KMT5A: variants seen among roughly 807,000 people sequenced by gnomAD.
KMT5A encodes the protein lysine methyltransferase 5A.
KMT5A carries 6 observed loss-of-function variants against 40.6 expected under a neutral mutation model. The ratio of observed to expected loss-of-function variants is 0.15; its 90% CI spans 0.08 to 0.29. KMT5A has a LOEUF of 0.29. KMT5A is among the 10% of genes least tolerant of loss of function. The pLI is 1.00. For missense variants in KMT5A, 308 were observed against 459.1 expected, an observed-to-expected ratio of 0.67 and a Z score of 3.01; for synonymous variants, 153 against 178.8, an observed-to-expected ratio of 0.86 and a Z score of 1.15.
intron 2 of KMT5A, among the ~76,000 whole-genome samples, 188 bp downstream of exon 2, chr12:123,389,742 C>T (rs967269621): frequency 1.3e-5 from 2 of 152,114 alleles, no homozygotes; most frequent in African/African-American, 4.8e-5. Context: ...AAAAGTTTGA[C>T]TGCGCCTTCG....
In KMT5A at chr12:123,390,897, C is replaced by T. The variant is rs986424514; in HGVS notation, c.289+111C>T. 5 of 1,315,162 alleles carry T rather than the reference C, an allele frequency of 3.8e-6. No homozygotes were observed. In the African/African-American group the frequency reaches 5.9e-5, roughly 16 times the overall value. 81.5% of individuals were successfully genotyped at this position (1,315,162 alleles called of 1,614,324 possible). A position where few individuals can be genotyped will look rare whatever the true frequency, so the allele number is the denominator to read the frequency against. On this transcript the variant is annotated intron_variant, in intron 3 of 7. Transcript: ENST00000402868. ...TATCCAACCTTTTCAGTCTCAGATT[C>T]GAGAGGTTTGAGCCATGTTCTGTCT...
At chr12:123,397,930 C>T (rs1368774715) in intron 5 of KMT5A, among the ~76,000 whole-genome samples, 1 of 151,504 alleles carries the variant, frequency 6.6e-6, no homozygotes, top group African/African-American at 2.4e-5. Flanking sequence ...ACCTCAGCCT[C>T]CCAAAGTGCT....
In KMT5A at chr12:123,397,404, T is replaced by G. The variant is rs897570042; in HGVS notation, c.597+972T>G. 3.9e-5 allele frequency among the ~76,000 whole-genome samples: 6 copies of G among 152,318 alleles called. No homozygotes were observed. The South Asian group carries it at 1.2e-3, about 32-fold the overall frequency. On this transcript the variant is annotated intron_variant, in intron 5 of 7. Transcript: ENST00000402868. ...ACACAGAGAGGTGGGGACCCCGGCTTTGGCAGTTTCAGCATTTCAGCCCTC... is the reference window on the plus strand; with the variant it reads ...ACACAGAGAGGTGGGGACCCCGGCTGTGGCAGTTTCAGCATTTCAGCCCTC...
chr12:123,404,012 C>A (rs896192814), intron 6 of KMT5A, among the ~76,000 whole-genome samples: 13 of 152,134 alleles, frequency 8.5e-5, no homozygotes, highest in Non-Finnish European at 1.9e-4. Context: ...CCCCACCTCT[C>A]CCCTGCCCAG....
At chr12:123,396,628 C>T (rs970496435) in intron 5 of KMT5A, among the ~76,000 whole-genome samples, 196 bp downstream of exon 5, 13 of 152,150 alleles carry the variant, frequency 8.5e-5, no homozygotes, top group Middle Eastern at 3.2e-3. Flanking sequence ...CTGCTGGGGT[C>T]ACTGCAGGGC....
rs1876744458 is a variant in KMT5A, at chr12:123,384,452, C to A, written c.10+244C>A. ...CTGTTTCCCTTCTATGAAGTGAACA[C>A]CTGCGGGCCTGCCTCTCCACGGCAG... On this transcript the variant is annotated intron_variant, in intron 1 of 7. Coordinates refer to ENST00000402868, the MANE Select transcript of KMT5A (RefSeq NM_020382.7). The surrounding 1 kb of genome is among the most constrained non-coding windows in gnomAD (Gnocchi z 5.7). Among the ~76,000 whole-genome samples the A allele has an allele frequency of 6.6e-6, 1 of 152,256 alleles. No individual in the cohort carries two copies. The highest frequency in any genetic ancestry group is 6.5e-5 in the Admixed American group (1 of 15,284).
chr12:123,397,690 G>C (rs1181904203), intron 5 of KMT5A, among the ~76,000 whole-genome samples: 4 of 141,988 alleles, frequency 2.8e-5, no homozygotes, highest in African/African-American at 1.0e-4. Context: ...TTTTGAGATG[G>C]AGTTTTGCTC....
At chr12:123,405,166 C>T in intron 7 of KMT5A, 92 bp downstream of exon 7, 1 of 1,293,818 alleles carries the variant, frequency 7.7e-7, no homozygotes, top group Non-Finnish European at 1.0e-6. Flanking sequence ...GTTTGGTGGC[C>T]AGTCTTTTGG....
At chr12:123,385,052 G>GTT (rs1284877016) in intron 1 of KMT5A, among the ~76,000 whole-genome samples, 2 of 151,664 alleles carry the variant, frequency 1.3e-5, no homozygotes, top group African/African-American at 4.8e-5. Flanking sequence ...AAAAAAAAAA[G>GTT]TTTTGGTATT....
Position 123,384,862 on chromosome 12 carries a change from C to A in KMT5A, c.10+654C>A, listed in dbSNP as rs928630190. Reference sequence around the variant, plus strand: ...AGATGGCTTGGGTGGGCTTGTACAGCCCTGGGAGGCGATGCCCTGTCTGAA... The same window carrying A: ...AGATGGCTTGGGTGGGCTTGTACAGACCTGGGAGGCGATGCCCTGTCTGAA... On this transcript the variant is annotated intron_variant, in intron 1 of 7. Coordinates refer to ENST00000402868, the MANE Select transcript of KMT5A (RefSeq NM_020382.7). The surrounding 1 kb of genome is among the most constrained non-coding windows in gnomAD (Gnocchi z 5.7). 4.6e-5 allele frequency among the ~76,000 whole-genome samples: 7 copies of A among 152,178 alleles called. No individual in the cohort carries two copies. Among genetic ancestry groups the A allele is most frequent in the African/African-American group, 1.7e-4 (7 of 41,448 alleles).
chr12:123,391,436 C>T (rs532321461), intron 3 of KMT5A: 18 of 152,478 alleles, frequency 1.2e-4, no homozygotes, highest in African/African-American at 4.3e-4. Context: ...CTCAGGTGAT[C>T]CACCTGCCTT....
At chr12:123,385,787 G>A (rs1259928204) in intron 1 of KMT5A, among the ~76,000 whole-genome samples, 2 of 152,150 alleles carry the variant, frequency 1.3e-5, no homozygotes, top group South Asian at 2.1e-4. Context: ...GGGAGGTGGA[G>A]CTTGCAGTGA....
intron 2 of KMT5A, chr12:123,390,140 AT>A: frequency 2.1e-6 from 1 of 467,476 alleles, no homozygotes. Flanking sequence ...GGCTGCAGTG[AT>A]TTGAGAGGGG....
At chr12:123,398,285 A>AG (rs960767606) in intron 5 of KMT5A, among the ~76,000 whole-genome samples, 3 of 151,808 alleles carry the variant, frequency 2.0e-5, no homozygotes, top group Non-Finnish European at 2.9e-5. Context: ...CCGTCTCAAA[A>AG]AAAAAAAAAG....
At chr12:123,394,904 CG>C in intron 3 of KMT5A, 142 bp from the exon 4 acceptor site, 1 of 713,746 alleles carries the variant, frequency 1.4e-6, no homozygotes, top group Non-Finnish European at 2.4e-6. Context: ...ATAGCGGACA[CG>C]GGGCTTAACA....
In KMT5A at chr12:123,396,371, G is replaced by C. The variant is rs148212570; in HGVS notation, c.536G>C (p.Arg179Pro). ...GCTCAAGGAAAAACGCAACAGAATC[G>C]CAAACTTACGGATTTCTACCCTGTC... is the stretch of plus-strand genomic sequence containing the variant. ...KKAQGKTQQN[R>P]KLTDFYPVRR... is the part of the protein sequence containing the mutation. Residue 179 changes from arginine to proline, a missense_variant, in exon 5 of 8, where the codon CGC becomes CCC. Physicochemically the swap from Arg to Pro is moderately radical, Grantham distance 103. Transcript: ENST00000402868. 5 of 1,613,578 alleles carry C rather than the reference G, an allele frequency of 3.1e-6. No individual in the cohort carries two copies. The highest frequency in any genetic ancestry group is 4.2e-6 in the Non-Finnish European group (5 of 1,179,940).
intron 5 of KMT5A, among the ~76,000 whole-genome samples, chr12:123,400,278 G>A (rs1165143502): frequency 2.2e-5 from 3 of 134,050 alleles, no homozygotes; most frequent in Admixed American, 7.4e-5. Flanking sequence ...CTTGTGATCC[G>A]CCCGCCTCGG....
At chr12:123,404,113 GC>G (rs1593474358) in intron 6 of KMT5A, among the ~76,000 whole-genome samples, 1 of 152,172 alleles carries the variant, frequency 6.6e-6, no homozygotes, top group East Asian at 1.9e-4. Flanking sequence ...TGTAGCTGAT[GC>G]CCAGGGAAAC....
At chr12:123,399,866 T>C (rs1023472570) in intron 5 of KMT5A, among the ~76,000 whole-genome samples, 19 of 152,104 alleles carry the variant, frequency 1.2e-4, no homozygotes, top group African/African-American at 4.3e-4. Flanking sequence ...CACTGTCACC[T>C]AGGCTGGAGT....
Sources: allele counts gnomAD v4.1 joint callset (sites outside exome capture counted in the v4.1 genomes callset), GRCh38; gene constraint gnomAD v4.1.1; non-coding constraint Gnocchi (gnomAD v3.1); transcripts MANE v1.5; gene names NCBI Gene and HGNC (gene_info 2026-07-23, HGNC 2026-07-21).